The following ZDHHC21 variants were observed in gnomAD, a reference collection of about 807,000 sequenced individuals.
The protein encoded by ZDHHC21 is zDHHC palmitoyltransferase 21, also known as palmitoyltransferase ZDHHC21.
ZDHHC21 carries 15 observed loss-of-function variants against 34.6 expected under a neutral mutation model. That is an observed-to-expected ratio of 0.43 (90% CI 0.29 to 0.67). ZDHHC21 has a LOEUF of 0.67. ZDHHC21 is among the 30% of genes least tolerant of loss of function. The pLI, the probability that ZDHHC21 is intolerant of heterozygous loss-of-function variation, is 0.14. For synonymous variants in ZDHHC21, 142 were observed against 101.8 expected, an observed-to-expected ratio of 1.40 and a Z score of -2.38; for missense variants, 344 against 327.7, an observed-to-expected ratio of 1.05 and a Z score of -0.38.
At chr9:14,679,344 G>A (rs1414770942) in intron 3 of ZDHHC21, among the ~76,000 whole-genome samples, 3 of 152,114 alleles carry the variant, frequency 2.0e-5, no homozygotes, top group Non-Finnish European at 4.4e-5. Context: ...TAGGTATTCC[G>A]ATGTTAAACA....
At chr9:14,671,476 T>C (rs1404276510) in intron 5 of ZDHHC21, among the ~76,000 whole-genome samples, 1 of 152,080 alleles carries the variant, frequency 6.6e-6, no homozygotes, top group African/African-American at 2.4e-5. Context: ...ACAGATCACC[T>C]TTAAAAAGCA....
chr9:14,660,987 C>G (rs1833285012), intron 6 of ZDHHC21, among the ~76,000 whole-genome samples: 1 of 152,112 alleles, frequency 6.6e-6, no homozygotes, highest in Non-Finnish European at 1.5e-5. Context: ...TGAGAGCAAA[C>G]AGATCACTGA....
intron 7 of ZDHHC21, among the ~76,000 whole-genome samples, chr9:14,656,860 C>G (rs190462076): frequency 9.2e-5 from 14 of 152,050 alleles, no homozygotes; most frequent in Admixed American, 2.6e-4. Context: ...TAAGGAAAAT[C>G]TGGTTTGACT....
At chr9:14,640,773 G>A (rs1829240726) in intron 7 of ZDHHC21, among the ~76,000 whole-genome samples, 1 of 152,158 alleles carries the variant, frequency 6.6e-6, no homozygotes, top group Non-Finnish European at 1.5e-5. Flanking sequence ...AGATAGGAGG[G>A]AGGAATTGAA....
chr9:14,690,595 G>A (rs1179597256), intron 1 of ZDHHC21, among the ~76,000 whole-genome samples: 1 of 152,118 alleles, frequency 6.6e-6, no homozygotes, highest in Non-Finnish European at 1.5e-5. Context: ...ATAGCACAGA[G>A]GAAAAAGCAG....
downstream of ZDHHC21, among the ~76,000 whole-genome samples, chr9:14,608,967 G>A (rs1400553761): frequency 6.6e-6 from 1 of 152,066 alleles, no homozygotes. Context: ...TTCAAAAGCT[G>A]GAATATACAG....
At chr9:14,599,844 G>A in the ZDHHC21 span, among the ~76,000 whole-genome samples, 2 of 152,058 alleles carry the variant, frequency 1.3e-5, no homozygotes, top group African/African-American at 4.8e-5. Context: ...TGCAAGGCTG[G>A]TTCAATATAT....
At chr9:14,693,050 A>AC (rs969633016) in intron 1 of ZDHHC21, among the ~76,000 whole-genome samples, 179 bp downstream of exon 1, 4 of 150,484 alleles carry the variant, frequency 2.7e-5, no homozygotes, top group African/African-American at 4.9e-5. Context: ...GCACCGAGAA[A>AC]CCCCCGGGTT....
intron 3 of ZDHHC21, among the ~76,000 whole-genome samples, chr9:14,679,408 C>A (rs185003367): frequency 2.6e-3 from 394 of 152,146 alleles, no homozygotes; most frequent in African/African-American, 8.6e-3. Flanking sequence ...GTTCGGGAAG[C>A]AACTTATAGA....
At chr9:14,619,839 T>C (rs756757037) in intron 8 of ZDHHC21, among the ~76,000 whole-genome samples, 157 bp from the exon 9 acceptor site, 1 of 151,836 alleles carries the variant, frequency 6.6e-6, no homozygotes, top group South Asian at 2.1e-4. Context: ...CTTTCATACA[T>C]TGCTGGAATC....
At chr9:14,621,693 T>C (rs754513976) in intron 8 of ZDHHC21, among the ~76,000 whole-genome samples, 5 of 152,060 alleles carry the variant, frequency 3.3e-5, no homozygotes, top group Non-Finnish European at 5.9e-5. Context: ...CAACCAAACA[T>C]GTCATCAAGT....
chr9:14,656,626 G>A (rs1261690890), intron 7 of ZDHHC21, among the ~76,000 whole-genome samples: 1 of 151,828 alleles, frequency 6.6e-6, no homozygotes, highest in East Asian at 1.9e-4. Context: ...GATACAACAA[G>A]GAAACCATAA....
chr9:14,622,422 G>T, intron 8 of ZDHHC21: 2 of 563,608 alleles, frequency 3.5e-6, no homozygotes, highest in Non-Finnish European at 2.2e-6. Context: ...GGGCGGGGAA[G>T]TTCCTAAGAG....
intron 5 of ZDHHC21, among the ~76,000 whole-genome samples, chr9:14,664,644 G>C (rs1007451432): frequency 1.5e-3 from 224 of 151,418 alleles, no homozygotes; most frequent in African/African-American, 5.3e-3. Flanking sequence ...CTCCCTGCAC[G>C]CAGCTGGAGA....
At chr9:14,673,453 G>A (rs1835831183) in intron 4 of ZDHHC21, among the ~76,000 whole-genome samples, 1 of 151,506 alleles carries the variant, frequency 6.6e-6, no homozygotes, top group African/African-American at 2.4e-5. Context: ...AACAAAAATA[G>A]TAAGGGAAAA....
chr9:14,625,408 C>A (rs1023997102), intron 8 of ZDHHC21, among the ~76,000 whole-genome samples: 2 of 152,002 alleles, frequency 1.3e-5, no homozygotes, highest in African/African-American at 4.8e-5. Flanking sequence ...GGCAACAGAT[C>A]TTATATTTAT....
At chr9:14,638,760 T>C (rs1421728000) in intron 8 of ZDHHC21, among the ~76,000 whole-genome samples, 1 of 151,732 alleles carries the variant, frequency 6.6e-6, no homozygotes, top group East Asian at 1.9e-4. Context: ...AACAGGTATA[T>C]GAAAAGTACC....
rs1430796565 is a variant in ZDHHC21 at position 14,614,335 on chromosome 9, A to T, written c.*4631T>A. 1.3e-5 allele frequency: 2 copies of T among 151,786 alleles called. No individual in the cohort carries two copies. The highest frequency in any genetic ancestry group is 2.4e-5 in the African/African-American group (1 of 41,426). The allele number at this position is 151,786 out of a possible 1,614,324, so 9.4% of individuals were successfully genotyped here. A position where few individuals can be genotyped will look rare whatever the true frequency, so the allele number is the denominator to read the frequency against. On this transcript the variant is annotated 3_prime_UTR_variant, in exon 10 of 10. Coordinates refer to ENST00000380916, the MANE Select transcript of ZDHHC21 (RefSeq NM_178566.6). ...AAATACCATTGTTATTTCTGTTTCA[A>T]ATTAGCAGGCAGTATTGTAACATCT...
intron 1 of ZDHHC21, among the ~76,000 whole-genome samples, chr9:14,692,391 G>A (rs1839285458): frequency 6.6e-6 from 1 of 152,064 alleles, no homozygotes; most frequent in African/African-American, 2.4e-5. Flanking sequence ...ATCCTTAGTC[G>A]CCTTTGGACT....
Sources: gnomAD v4.1 joint callset for allele counts (sites outside exome capture counted in the v4.1 genomes callset) on GRCh38, gnomAD v4.1.1 for gene constraint, MANE v1.5 for transcripts, NCBI Gene and HGNC (gene_info 2026-07-23, HGNC 2026-07-21) for gene names.